Variants in PHF8 observed in about 807,000 individuals in gnomAD.
The protein encoded by PHF8 is PHD finger protein 8, also known as histone lysine demethylase PHF8.
PHF8 carries 9 observed loss-of-function variants against 74.4 expected under a neutral mutation model. That is an observed-to-expected ratio of 0.12 (90% confidence interval 0.07 to 0.21). The LOEUF (loss-of-function observed/expected upper bound fraction) is 0.21, where lower values mean the gene tolerates loss of function less well. Ranked by LOEUF, PHF8 falls within the 10% of genes least tolerant of loss-of-function variation. The probability of loss-of-function intolerance (pLI) is 1.00; values close to 1 mark genes in which losing one functional copy is unlikely to be tolerated. For synonymous variants in PHF8, 311 were observed against 316.6 expected (o/e 0.98, Z 0.19); for missense variants, 478 against 816.6 (o/e 0.59, Z 5.05).
chrX:53,972,440 G>A (rs2065309793), intron 18 of PHF8, among the ~76,000 whole-genome samples: 1 of 109,615 alleles, frequency 9.1e-6, no homozygotes, highest in South Asian at 3.8e-4. Context: ...ACATCTAAAA[G>A]CTTATCCGCC....
chrX:53,991,727 G>C (rs1292503331), intron 14 of PHF8, among the ~76,000 whole-genome samples: 1 of 106,968 alleles, frequency 9.3e-6, no homozygotes, highest in Non-Finnish European at 1.9e-5. Flanking sequence ...AACTAGGCCA[G>C]GCAAGGTGGC....
At position 53,938,239 on chromosome X, in the gene PHF8, G is replaced by T; in HGVS notation, c.*919C>A. Reference sequence around the variant, plus strand: ...GTGGTATAGGCGGAGCAAGCAGGCTGTAGGGCCAGGGTTATCTGCGTCATT... The same window carrying T: ...GTGGTATAGGCGGAGCAAGCAGGCTTTAGGGCCAGGGTTATCTGCGTCATT... On this transcript the variant is annotated 3_prime_UTR_variant, in exon 22 of 22. Coordinates refer to ENST00000338154, the MANE Select transcript of PHF8 (RefSeq NM_015107.3). 2 of 1,047,030 alleles carry T rather than the reference G, an allele frequency of 1.9e-6. No homozygotes were observed. Among genetic ancestry groups the T allele is most frequent in the Non-Finnish European group, 2.4e-6 (2 of 818,212 alleles). The allele number at this position is 1,047,030 out of a possible 1,213,427, so 86.3% of individuals were successfully genotyped here.
At chrX:54,043,596 C>T (rs782281153) in intron 1 of PHF8, among the ~76,000 whole-genome samples, 166 bp downstream of exon 1, 3 of 111,567 alleles carry the variant, frequency 2.7e-5, no homozygotes, top group South Asian at 3.8e-4. Flanking sequence ...TTTCCTCACA[C>T]TCCCGAAACT....
rs782579990 is a variant in PHF8 at position 54,023,841 on chromosome X, CA to C, written c.99-999del. Among the ~76,000 whole-genome samples the C allele has an allele frequency of 9.1e-3, 358 of 39,191 alleles. 2 individuals carry two copies. The highest frequency in any genetic ancestry group is 0.037 in the South Asian group (28 of 751). The allele number at this position is 39,191 out of a possible 115,157, so 34.0% of individuals were successfully genotyped here. On this transcript the variant is annotated intron_variant, in intron 2 of 21. Coordinates refer to ENST00000338154, the MANE Select transcript of PHF8 (RefSeq NM_015107.3). Reference sequence around the variant, plus strand: ...GGGTGACAGAACAAGACCCTGTCTCCAAAAAAAAAAAAAAAAAAAAAAAGAA... The same window carrying C: ...GGGTGACAGAACAAGACCCTGTCTCCAAAAAAAAAAAAAAAAAAAAAAGAA...
At chrX:54,023,469 T>C (rs2066211260) in intron 2 of PHF8, among the ~76,000 whole-genome samples, 1 of 110,618 alleles carries the variant, frequency 9.0e-6, no homozygotes, top group African/African-American at 3.3e-5. Context: ...TTACTTAATT[T>C]TGAAAATTTG....
chrX:54,010,085 G>A (rs1028649303), intron 8 of PHF8, among the ~76,000 whole-genome samples: 3 of 109,511 alleles, frequency 2.7e-5, no homozygotes, highest in Non-Finnish European at 3.8e-5. Context: ...AGACTGAGGC[G>A]GGTGGATCAC....
At chrX:53,953,328 A>T (rs781945227) in intron 19 of PHF8, among the ~76,000 whole-genome samples, 28 of 123 alleles carry the variant, frequency 0.23, no homozygotes, top group Admixed American at 0.33. Flanking sequence ...ATAGAGAGAT[A>T]AAAAAAAAAG....
At chrX:53,976,677 CTTT>C (rs1368643488) in intron 18 of PHF8, among the ~76,000 whole-genome samples, 4 of 91,294 alleles carry the variant, frequency 4.4e-5, no homozygotes, top group Non-Finnish European at 8.4e-5. Flanking sequence ...CCTAAAAACA[CTTT>C]TTAAGTTAAA....
At chrX:54,024,077 T>C (rs1424515333) in intron 2 of PHF8, among the ~76,000 whole-genome samples, 6 of 111,348 alleles carry the variant, frequency 5.4e-5, no homozygotes, top group Non-Finnish European at 9.4e-5. Context: ...ACTAGGGATA[T>C]CACCATCAAC....
chrX:53,988,005 G>C (rs1405474398), intron 14 of PHF8, 61 bp from the exon 15 acceptor site: 3 of 891,437 alleles, frequency 3.4e-6, no homozygotes, highest in African/African-American at 3.9e-5. Context: ...TAGCAAGATT[G>C]CAATTCTCTC....
chrX:53,996,239 C>A (rs2065745975), intron 11 of PHF8, among the ~76,000 whole-genome samples: 1 of 110,185 alleles, frequency 9.1e-6, no homozygotes, highest in South Asian at 3.9e-4. Flanking sequence ...GCCTCAGCCT[C>A]CACAGTAGCT....
At chrX:54,038,535 C>G (rs1370939201) in intron 2 of PHF8, among the ~76,000 whole-genome samples, 1 of 111,927 alleles carries the variant, frequency 8.9e-6, no homozygotes, top group African/African-American at 3.2e-5. Context: ...ATCAGGTCTT[C>G]CAAGTGAGTC....
At chrX:53,971,999 T>C (rs2065299614) in intron 18 of PHF8, among the ~76,000 whole-genome samples, 1 of 111,441 alleles carries the variant, frequency 9.0e-6, no homozygotes. Context: ...AGCATCATCC[T>C]GATACCAAAA....
chrX:54,011,103 G>GAA lies in PHF8; in HGVS notation c.946+17_946+18dup, dbSNP rs2065976214. The GAA allele has an allele frequency of 8.3e-7, 1 of 1,200,406 alleles. No individual in the cohort carries two copies. Among genetic ancestry groups the GAA allele is most frequent in the Non-Finnish European group, 1.1e-6 (1 of 886,871 alleles). ...TTTCCACCCTCCCCAAACCCTCCCA[G>GAA]AAGCACCCAAGGGAAGACCTGTGGG... On this transcript the variant is annotated intron_variant, in intron 8 of 21. Coordinates refer to ENST00000338154, the MANE Select transcript of PHF8 (RefSeq NM_015107.3).
Position 53,993,753 on chromosome X carries a change from T to C in PHF8, c.1474A>G (p.Lys492Glu), listed in dbSNP as rs782313651. 3 of 1,211,977 alleles carry C rather than the reference T, an allele frequency of 2.5e-6. No homozygotes were observed. Among genetic ancestry groups the C allele is most frequent in the Non-Finnish European group, 3.4e-6 (3 of 895,329 alleles). The change falls in exon 13 of 22, where the codon AAG becomes GAG. Residue 492 changes from lysine to glutamate, a missense_variant. By Grantham distance (56) the Lys-to-Glu change is moderately conservative. This residue lies in a region of PHF8 where 153 missense variants were observed against 164.8 expected (regional missense o/e 0.93). Coordinates refer to ENST00000338154, the MANE Select transcript of PHF8 (RefSeq NM_015107.3). ...LSLPSKNGSK[K>E]KGLKPKELFK... ...AGTTCCTTGGGCTTCAGGCCTTTCT[T>C]CTTTGAACCATTTTTGGAGGGCAGT...
intron 18 of PHF8, among the ~76,000 whole-genome samples, chrX:53,970,635 G>A (rs781880568): frequency 4.5e-5 from 5 of 111,363 alleles, no homozygotes; most frequent in East Asian, 5.7e-4. Context: ...AGCTCAAAAC[G>A]AAGGGATGGA....
chrX:54,027,377 A>G (rs782467482), intron 2 of PHF8, among the ~76,000 whole-genome samples: 1 of 111,287 alleles, frequency 9.0e-6, no homozygotes, highest in Non-Finnish European at 1.9e-5. Context: ...ACAGCTGTAC[A>G]TGGTGCAAAA....
Position 53,962,959 on chromosome X carries a change from C to G in PHF8, c.2444-20G>C. Reference sequence around the variant, plus strand: ...GATAGACTGCAGGGAGAAGGGAAAACAGGGTAAAATGAGATTTCATCCAAA... The same window carrying G: ...GATAGACTGCAGGGAGAAGGGAAAAGAGGGTAAAATGAGATTTCATCCAAA... On this transcript the variant is annotated intron_variant, in intron 18 of 21. Transcript: ENST00000338154. 2 of 991,433 alleles carry G rather than the reference C, an allele frequency of 2.0e-6. No homozygotes were observed. Among genetic ancestry groups the G allele is most frequent in the Non-Finnish European group, 2.9e-6 (2 of 694,613 alleles). 81.7% of individuals were successfully genotyped at this position (991,433 alleles called of 1,213,427 possible). A position where few individuals can be genotyped will look rare whatever the true frequency, so the allele number is the denominator to read the frequency against.
intron 19 of PHF8, among the ~76,000 whole-genome samples, chrX:53,958,080 C>T (rs1375700697): frequency 2.2e-4 from 23 of 106,030 alleles, no homozygotes; most frequent in African/African-American, 4.5e-4. Context: ...CTTGCTCTGT[C>T]GCCCAGGCTG....
Sources: allele counts gnomAD v4.1 joint callset (sites outside exome capture counted in the v4.1 genomes callset), GRCh38; gene constraint gnomAD v4.1.1; regional missense constraint gnomAD v4.1.1; transcripts MANE v1.5; gene names NCBI Gene and HGNC (gene_info 2026-07-23, HGNC 2026-07-21).